XPR1: variants seen among roughly 807,000 people sequenced by gnomAD.
XPR1 encodes xenotropic and polytropic retrovirus receptor 1, also known as solute carrier family 53 member 1.
Under a neutral mutation model 87.5 loss-of-function variants are expected in XPR1, and 28 were observed. That is an observed-to-expected ratio of 0.32 (90% CI 0.24 to 0.44). The LOEUF (loss-of-function observed/expected upper bound fraction) is 0.44. Ranked by LOEUF, XPR1 falls within the 20% of genes least tolerant of loss-of-function variation. XPR1 has a pLI of 1.00. For synonymous variants in XPR1, 300 were observed against 306.1 expected (o/e 0.98, Z 0.21); for missense variants, 559 against 862.3 (o/e 0.65, Z 4.41).
intron 2 of XPR1, among the ~76,000 whole-genome samples, chr1:180,701,646 A>G (rs943447450): frequency 7.4e-6 from 1 of 135,754 alleles, no homozygotes; most frequent in African/African-American, 3.1e-5. Flanking sequence ...TTTTTGCATC[A>G]ATGTTCATCA....
At chr1:180,657,551 T>C (rs569181089) in intron 1 of XPR1, among the ~76,000 whole-genome samples, 14 of 152,226 alleles carry the variant, frequency 9.2e-5, no homozygotes, top group Non-Finnish European at 2.1e-4. Flanking sequence ...GAGATTGTCC[T>C]TTCTCCAATG....
chr1:180,809,540 T>C lies in XPR1; in HGVS notation c.682-1867T>C, dbSNP rs182254109. Reference sequence around the variant, plus strand: ...GAGAAAAGACACAAATTCTATACTTTAAGTATGTGCAATTTTTTTATGTCA... The same window carrying C: ...GAGAAAAGACACAAATTCTATACTTCAAGTATGTGCAATTTTTTTATGTCA... On this transcript the variant is annotated intron_variant, in intron 6 of 14. Coordinates refer to ENST00000367590, the MANE Select transcript of XPR1 (RefSeq NM_004736.4). Among the ~76,000 whole-genome samples, 246 of 152,342 alleles carry C rather than the reference T, an allele frequency of 1.6e-3. 1 individual carries two copies. The highest frequency in any genetic ancestry group is 5.6e-3 in the African/African-American group (232 of 41,586).
chr1:180,733,627 A>G (rs1172361783), intron 2 of XPR1, among the ~76,000 whole-genome samples: 1 of 152,212 alleles, frequency 6.6e-6, no homozygotes, highest in African/African-American at 2.4e-5. Context: ...CTGTGTTAAT[A>G]ATCTAGAAAG....
At chr1:180,685,621 T>A (rs1256625075) in intron 2 of XPR1, among the ~76,000 whole-genome samples, 1 of 152,134 alleles carries the variant, frequency 6.6e-6, no homozygotes, top group African/African-American at 2.4e-5. Flanking sequence ...GGTCCTGGAC[T>A]TTTTTTGGTT....
chr1:180,728,043 A>G (rs565680494), intron 2 of XPR1, among the ~76,000 whole-genome samples: 1 of 152,314 alleles, frequency 6.6e-6, no homozygotes, highest in South Asian at 2.1e-4. Context: ...AATGCAGCCC[A>G]GTAGGTTTCA....
chr1:180,784,351 C>T (rs575618121), intron 2 of XPR1, among the ~76,000 whole-genome samples: 11 of 152,060 alleles, frequency 7.2e-5, no homozygotes, highest in Admixed American at 2.6e-4. Context: ...TTCATTGGTT[C>T]ATTGGCCATT....
At chr1:180,840,566 G>GTGTGTGTGTGTGTGTA (rs1258711178) in intron 11 of XPR1, among the ~76,000 whole-genome samples, 2 of 136,400 alleles carry the variant, frequency 1.5e-5, no homozygotes, top group East Asian at 2.4e-4. Flanking sequence ...GTGTGTGTGT[G>GTGTGTGTGTGTGTGTA]TATATATATA....
At chr1:180,823,698 G>A (rs954011891) in intron 7 of XPR1, among the ~76,000 whole-genome samples, 1 of 152,148 alleles carries the variant, frequency 6.6e-6, no homozygotes, top group African/African-American at 2.4e-5. Context: ...TTGAACATTT[G>A]TGTGGACATA....
rs1302018374 is a variant in XPR1 at position 180,889,772 on chromosome 1, A to G, written c.*5706A>G. The G allele has an allele frequency of 6.6e-6, 1 of 151,952 alleles. No homozygotes were observed. The highest frequency in any genetic ancestry group is 1.5e-5 in the Non-Finnish European group (1 of 67,980). The allele number at this position is 151,952 out of a possible 1,614,324, so 9.4% of individuals were successfully genotyped here. On this transcript the variant is annotated 3_prime_UTR_variant, in exon 15 of 15. Coordinates refer to ENST00000367590, the MANE Select transcript of XPR1 (RefSeq NM_004736.4). ...GGGAAAATTGTATTTTTCTGTTCAA[A>G]CTCTCTCCTTCTATTTGTGTTTCCT...
chr1:180,685,373 C>A (rs1656728905), intron 2 of XPR1, among the ~76,000 whole-genome samples: 1 of 152,134 alleles, frequency 6.6e-6, no homozygotes, highest in Non-Finnish European at 1.5e-5. Context: ...TGATGTGCTG[C>A]TGGATTTGGT....
At chr1:180,754,957 A>C (rs1040038045) in intron 2 of XPR1, among the ~76,000 whole-genome samples, 5 of 152,132 alleles carry the variant, frequency 3.3e-5, no homozygotes, top group African/African-American at 9.7e-5. Context: ...GGTCACTGCA[A>C]CCATGGGATA....
chr1:180,816,860 T>G (rs1162234890), intron 7 of XPR1, among the ~76,000 whole-genome samples: 1 of 152,224 alleles, frequency 6.6e-6, no homozygotes, highest in East Asian at 1.9e-4. Context: ...CTCCTCCTAC[T>G]TATTAATAAA....
chr1:180,866,146 A>G (rs1056560227), intron 12 of XPR1, among the ~76,000 whole-genome samples: 2 of 152,178 alleles, frequency 1.3e-5, no homozygotes, highest in Non-Finnish European at 1.5e-5. Flanking sequence ...CTGGAGTTCA[A>G]GACTGCAGTG....
At chr1:180,812,611 C>A (rs997248094) in intron 7 of XPR1, among the ~76,000 whole-genome samples, 5 of 151,916 alleles carry the variant, frequency 3.3e-5, no homozygotes, top group Admixed American at 1.3e-4. Flanking sequence ...TACTTCTCAC[C>A]ACCTTGGCCA....
At chr1:180,774,942 T>A (rs997741985) in intron 2 of XPR1, among the ~76,000 whole-genome samples, 1 of 152,218 alleles carries the variant, frequency 6.6e-6, no homozygotes, top group Non-Finnish European at 1.5e-5. Context: ...AGATGGCATC[T>A]TGTTGTTGTG....
At chr1:180,834,840 G>C (rs753719558) in intron 9 of XPR1, 34 bp from the exon 10 acceptor site, 1 of 1,582,034 alleles carries the variant, frequency 6.3e-7, no homozygotes, top group Non-Finnish European at 8.6e-7. Context: ...GACTTTTCTT[G>C]TTTCTGTGTT....
intron 11 of XPR1, among the ~76,000 whole-genome samples, chr1:180,838,425 T>G (rs1196066287): frequency 6.6e-6 from 1 of 152,182 alleles, no homozygotes; most frequent in East Asian, 1.9e-4. Flanking sequence ...AAGGGTCAAC[T>G]GTATACTGAT....
Position 180,803,686 on chromosome 1 carries a change from G to A in XPR1, c.447+75G>A. ...TTTCAATAAATGGAAGTACCCTAAA[G>A]TATTACCAGTGGGTCAGTTCCAAAA... On this transcript the variant is annotated intron_variant, in intron 4 of 14. Coordinates refer to ENST00000367590, the MANE Select transcript of XPR1 (RefSeq NM_004736.4). 2.3e-6 allele frequency: 3 copies of A among 1,279,052 alleles called. No homozygotes were observed. In the Admixed American group the frequency reaches 6.1e-5, roughly 26 times the overall value. 79.2% of individuals were successfully genotyped at this position (1,279,052 alleles called of 1,614,324 possible).
intron 2 of XPR1, among the ~76,000 whole-genome samples, chr1:180,691,928 G>A (rs1360112116): frequency 3.3e-5 from 5 of 152,114 alleles, no homozygotes; most frequent in South Asian, 2.1e-4. Flanking sequence ...AGTAGTTTTT[G>A]CATTTATAGG....
Sources: gnomAD v4.1 joint callset for allele counts (sites outside exome capture counted in the v4.1 genomes callset) on GRCh38, gnomAD v4.1.1 for gene constraint, MANE v1.5 for transcripts, NCBI Gene and HGNC (gene_info 2026-07-23, HGNC 2026-07-21) for gene names.